Variants in GPC5 observed in about 807,000 individuals in gnomAD.
GPC5 encodes glypican 5.
In GPC5, 47 loss-of-function variants were observed where a neutral mutation model predicts 53.9. That is an observed-to-expected ratio of 0.87 (90% CI 0.69 to 1.11). The LOEUF is 1.11. GPC5 is among the 50% of genes most tolerant of loss of function. GPC5 has a pLI of 0.00. For missense variants in GPC5, 748 were observed against 713.1 expected (o/e 1.05, Z -0.56); for synonymous variants, 286 against 263.3 (o/e 1.09, Z -0.84).
intron 6 of GPC5, among the ~76,000 whole-genome samples, chr13:91,963,457 T>G (rs977238518): frequency 6.6e-6 from 1 of 152,208 alleles, no homozygotes; most frequent in African/African-American, 2.4e-5. Flanking sequence ...AGTGAACATT[T>G]GTAACAAAGA....
intron 5 of GPC5, among the ~76,000 whole-genome samples, chr13:91,833,477 G>A (rs1240395350): frequency 6.6e-6 from 1 of 152,150 alleles, no homozygotes; most frequent in Non-Finnish European, 1.5e-5. Context: ...TATCCCTGAT[G>A]AACATCAATG....
At chr13:92,001,367 G>A (rs933565838) in intron 6 of GPC5, among the ~76,000 whole-genome samples, 8 of 152,086 alleles carry the variant, frequency 5.3e-5, no homozygotes, top group Non-Finnish European at 7.4e-5. Context: ...CTGGTGCCAA[G>A]AGTTATTTGA....
chr13:91,450,209 T>A (rs573744443), intron 2 of GPC5, among the ~76,000 whole-genome samples: 1 of 152,352 alleles, frequency 6.6e-6, no homozygotes, highest in East Asian at 1.9e-4. Flanking sequence ...CAAAACAACT[T>A]TATTTCTATT....
intron 2 of GPC5, among the ~76,000 whole-genome samples, chr13:91,668,602 T>G (rs1226813719): frequency 1.3e-5 from 2 of 152,126 alleles, no homozygotes; most frequent in Non-Finnish European, 2.9e-5. Flanking sequence ...CCTCTTTTGA[T>G]GTATATTCTC....
chr13:92,293,244 G>C (rs1457016441), intron 7 of GPC5, among the ~76,000 whole-genome samples: 1 of 151,774 alleles, frequency 6.6e-6, no homozygotes, highest in African/African-American at 2.4e-5. Flanking sequence ...TGAATTTGTA[G>C]ATTGCTTTGG....
At chr13:92,777,335 C>CAAAAA (rs71202561) in intron 7 of GPC5, among the ~76,000 whole-genome samples, 10 of 63,450 alleles carry the variant, frequency 1.6e-4, no homozygotes, top group African/African-American at 3.8e-4. Context: ...GACTCCATCT[C>CAAAAA]AAAAAAAAAA....
intron 7 of GPC5, among the ~76,000 whole-genome samples, chr13:92,318,080 C>A (rs9284271): frequency 6.6e-6 from 1 of 151,892 alleles, no homozygotes; most frequent in Admixed American, 6.6e-5. Flanking sequence ...CTTTTCAAAT[C>A]GGACTATTTG....
intron 6 of GPC5, among the ~76,000 whole-genome samples, chr13:92,057,390 C>A (rs1044219274): frequency 2.6e-5 from 4 of 152,206 alleles, no homozygotes; most frequent in Non-Finnish European, 5.9e-5. Context: ...TCCAGCTAAG[C>A]CTTGCCCAAA....
At position 91,832,300 on chromosome 13, in the gene GPC5, CTTT is replaced by C. The variant is rs55698516; in HGVS notation, c.1281-75621_1281-75619del. 1.8e-3 allele frequency among the ~76,000 whole-genome samples: 223 copies of C among 122,964 alleles called. No individual in the cohort carries two copies. In the East Asian group the frequency reaches 0.019, roughly 11 times the overall value. 80.7% of individuals were successfully genotyped at this position (122,964 alleles called of 152,430 possible). A position where few individuals can be genotyped will look rare whatever the true frequency, so the allele number is the denominator to read the frequency against. On this transcript the variant is annotated intron_variant, in intron 5 of 7. Transcript: ENST00000377067. ...TAGGATTGCAACCATGCTTTTTTCT[CTTT>C]TTTTTTTTTTTTTTTGCTTTCCATT...
At chr13:92,275,080 AT>A (rs148082957) in intron 7 of GPC5, among the ~76,000 whole-genome samples, 10 of 152,052 alleles carry the variant, frequency 6.6e-5, no homozygotes, top group African/African-American at 1.7e-4. Flanking sequence ...CTTTATTCAT[AT>A]TTTTTTCACT....
At chr13:92,513,249 G>A (rs989850648) in intron 7 of GPC5, among the ~76,000 whole-genome samples, 1 of 152,164 alleles carries the variant, frequency 6.6e-6, no homozygotes, top group African/African-American at 2.4e-5. Flanking sequence ...TAGAAGTAAT[G>A]TTTTAGGAAT....
chr13:91,964,817 A>G (rs1206644749), intron 6 of GPC5, among the ~76,000 whole-genome samples: 1 of 152,094 alleles, frequency 6.6e-6, no homozygotes, highest in African/African-American at 2.4e-5. Flanking sequence ...ACAATAGCAA[A>G]GACTTGGAAC....
In GPC5 at chr13:92,257,591, C is replaced by T. The variant is rs2042736562; in HGVS notation, c.1561+112602C>T. On this transcript the variant is annotated intron_variant, in intron 7 of 7. Coordinates refer to ENST00000377067, the MANE Select transcript of GPC5 (RefSeq NM_004466.6). ...TTGGGGACAGAGTCTCACTCTGCCT[C>T]CCAGACTGGAGTGCAATGGTGCAAT... 2.6e-5 allele frequency among the ~76,000 whole-genome samples: 3 copies of T among 114,286 alleles called. No homozygotes were observed. In the South Asian group the frequency reaches 8.8e-4, roughly 33 times the overall value. 75.0% of individuals were successfully genotyped at this position (114,286 alleles called of 152,430 possible).
chr13:92,202,987 T>A (rs549136258), intron 7 of GPC5, among the ~76,000 whole-genome samples: 1 of 152,256 alleles, frequency 6.6e-6, no homozygotes, highest in African/African-American at 2.4e-5. Context: ...AAGCTAACAA[T>A]CATACAATCA....
At chr13:92,509,761 T>C (rs930578752) in intron 7 of GPC5, 1 of 152,168 alleles carries the variant, frequency 6.6e-6, no homozygotes, top group African/African-American at 2.4e-5. Flanking sequence ...CTCACCTTCA[T>C]CTGTTGGGGG....
chr13:92,310,113 T>C (rs2043135976), intron 7 of GPC5, among the ~76,000 whole-genome samples: 1 of 152,128 alleles, frequency 6.6e-6, no homozygotes, highest in African/African-American at 2.4e-5. Context: ...TAATATTCCA[T>C]TGTATGTGTA....
intron 2 of GPC5, among the ~76,000 whole-genome samples, chr13:91,458,914 C>G (rs1223658865): frequency 6.6e-6 from 1 of 152,042 alleles, no homozygotes; most frequent in Non-Finnish European, 1.5e-5. Context: ...TTGCAACAAC[C>G]TAGATGGAAT....
intron 7 of GPC5, among the ~76,000 whole-genome samples, chr13:92,206,057 A>C (rs1249659182): frequency 2.0e-5 from 3 of 151,532 alleles, no homozygotes; most frequent in Non-Finnish European, 4.4e-5. Flanking sequence ...AAAAAAAAAA[A>C]AAAAAACCCA....
intron 7 of GPC5, among the ~76,000 whole-genome samples, chr13:92,732,281 G>A (rs1888829632): frequency 6.6e-6 from 1 of 151,370 alleles, no homozygotes; most frequent in Non-Finnish European, 1.5e-5. Context: ...ATCCAAAAAA[G>A]TTACTATATA....
Sources: allele counts gnomAD v4.1 joint callset (sites outside exome capture counted in the v4.1 genomes callset), GRCh38; gene constraint gnomAD v4.1.1; transcripts MANE v1.5; gene names NCBI Gene and HGNC (gene_info 2026-07-23, HGNC 2026-07-21).